The following IL1RAPL1 variants were observed in gnomAD, a reference collection of about 807,000 sequenced individuals.
The protein encoded by IL1RAPL1 is interleukin 1 receptor accessory protein like 1, also known as interleukin-1 receptor accessory protein-like 1.
In IL1RAPL1, 3 loss-of-function variants were observed where a neutral mutation model predicts 48.4. That is an observed-to-expected ratio of 0.06 (90% confidence interval 0.03 to 0.16). The LOEUF is 0.16. Ranked by LOEUF, IL1RAPL1 falls within the 10% of genes least tolerant of loss-of-function variation. The pLI, the probability that IL1RAPL1 is intolerant of heterozygous loss-of-function variation, is 1.00. For synonymous variants in IL1RAPL1, 185 were observed against 187.7 expected, an observed-to-expected ratio of 0.99 and a Z score of 0.12; for missense variants, 349 against 530.6, an observed-to-expected ratio of 0.66 and a Z score of 3.36.
At chrX:29,055,228 C>T (rs769281729) in intron 2 of IL1RAPL1, among the ~76,000 whole-genome samples, 30 of 110,375 alleles carry the variant, frequency 2.7e-4, no homozygotes, top group African/African-American at 8.9e-4. Flanking sequence ...ACTGAATGTT[C>T]CCCTCAGTGC....
At chrX:28,673,227 C>T (rs778738698) in intron 1 of IL1RAPL1, among the ~76,000 whole-genome samples, 12 of 111,737 alleles carry the variant, frequency 1.1e-4, no homozygotes, top group African/African-American at 3.9e-4. Flanking sequence ...ACAAACCTGA[C>T]AAAAACAAGC....
chrX:29,240,427 G>A (rs1931403143), intron 2 of IL1RAPL1, among the ~76,000 whole-genome samples: 2 of 105,257 alleles, frequency 1.9e-5, no homozygotes, highest in Non-Finnish European at 1.9e-5. Context: ...TAGAGACGGG[G>A]TTTCATCATG....
intron 1 of IL1RAPL1, among the ~76,000 whole-genome samples, chrX:28,787,454 T>C (rs754259704): frequency 8.9e-6 from 1 of 111,897 alleles, no homozygotes; most frequent in African/African-American, 3.2e-5. Context: ...ATCAGATGTG[T>C]CTGATGAATC....
chrX:28,689,870 G>A (rs749190030), intron 1 of IL1RAPL1, among the ~76,000 whole-genome samples: 21 of 111,430 alleles, frequency 1.9e-4, no homozygotes, highest in Non-Finnish European at 3.4e-4. Flanking sequence ...GCATTAGAGA[G>A]TCTCCCATTG....
At chrX:28,977,627 G>A (rs1015934880) in intron 2 of IL1RAPL1, among the ~76,000 whole-genome samples, 1 of 112,196 alleles carries the variant, frequency 8.9e-6, no homozygotes, top group Non-Finnish European at 1.9e-5. Context: ...GTTTCAAAAG[G>A]TGTTGAGAGG....
chrX:29,092,649 C>A (rs1928116548), intron 2 of IL1RAPL1, among the ~76,000 whole-genome samples: 1 of 111,486 alleles, frequency 9.0e-6, no homozygotes, highest in African/African-American at 3.3e-5. Context: ...ACCATTATTA[C>A]ATCTAATTGA....
intron 2 of IL1RAPL1, among the ~76,000 whole-genome samples, chrX:28,889,624 T>C (rs1451558690): frequency 3.6e-5 from 4 of 111,490 alleles, no homozygotes; most frequent in African/African-American, 9.8e-5. Context: ...TTTCAACTTA[T>C]TAAGCAGGTC....
chrX:28,629,480 C>T (rs906989427), intron 1 of IL1RAPL1, among the ~76,000 whole-genome samples: 1 of 111,860 alleles, frequency 8.9e-6, no homozygotes, highest in African/African-American at 3.2e-5. Flanking sequence ...AAGAGATGGA[C>T]ATGGAAAGTA....
At chrX:29,534,369 T>C (rs777577697) in intron 5 of IL1RAPL1, among the ~76,000 whole-genome samples, 86 of 111,944 alleles carry the variant, frequency 7.7e-4, no homozygotes, top group Non-Finnish European at 1.3e-3. Context: ...CCTAGAGTTA[T>C]CGTAATACCA....
intron 1 of IL1RAPL1, among the ~76,000 whole-genome samples, chrX:28,650,845 T>C (rs1228921994): frequency 8.9e-6 from 1 of 112,131 alleles, no homozygotes; most frequent in African/African-American, 3.2e-5. Flanking sequence ...TTGTATGGTC[T>C]CCAAGCTAAC....
chrX:28,734,972 G>A (rs916341434), intron 1 of IL1RAPL1, among the ~76,000 whole-genome samples: 5 of 111,802 alleles, frequency 4.5e-5, no homozygotes, highest in African/African-American at 1.6e-4. Flanking sequence ...AATACAACAG[G>A]CAAGCTCAAC....
intron 5 of IL1RAPL1, among the ~76,000 whole-genome samples, chrX:29,616,857 G>T (rs1924304926): frequency 8.9e-6 from 1 of 111,817 alleles, no homozygotes; most frequent in Non-Finnish European, 1.9e-5. Flanking sequence ...TACCTAGACT[G>T]TTATAAGGGC....
chrX:28,659,342 C>T, intron 1 of IL1RAPL1: 1 of 553,954 alleles, frequency 1.8e-6, no homozygotes, highest in South Asian at 2.3e-5. Flanking sequence ...AGTACCAGGC[C>T]TGTAACGATG....
At chrX:29,810,500 T>C (rs1930359521) in intron 6 of IL1RAPL1, among the ~76,000 whole-genome samples, 1 of 112,034 alleles carries the variant, frequency 8.9e-6, no homozygotes, top group African/African-American at 3.2e-5. Flanking sequence ...CATTTCCTTT[T>C]ATTTATCCTT....
chrX:29,887,808 C>A (rs928036372), intron 6 of IL1RAPL1, among the ~76,000 whole-genome samples: 10 of 111,067 alleles, frequency 9.0e-5, no homozygotes, highest in African/African-American at 3.3e-4. Flanking sequence ...GAGGTCTAGT[C>A]ACCTGTGTCT....
intron 2 of IL1RAPL1, among the ~76,000 whole-genome samples, chrX:29,202,431 C>T (rs964965281): frequency 2.7e-5 from 3 of 112,133 alleles, no homozygotes; most frequent in Non-Finnish European, 5.6e-5. Flanking sequence ...TTACTTAAGC[C>T]ATTCTGGAAA....
intron 2 of IL1RAPL1, among the ~76,000 whole-genome samples, chrX:28,883,893 TAG>T (rs1423681483): frequency 8.9e-6 from 1 of 112,291 alleles, no homozygotes; most frequent in East Asian, 2.8e-4. Context: ...TTACATATCT[TAG>T]AAGTGTTTCT....
chrX:29,180,390 T>A (rs911414771), intron 2 of IL1RAPL1, among the ~76,000 whole-genome samples: 1 of 110,362 alleles, frequency 9.1e-6, no homozygotes, highest in East Asian at 2.8e-4. Flanking sequence ...TATTATTATT[T>A]TTTGAGATGG....
intron 1 of IL1RAPL1, among the ~76,000 whole-genome samples, chrX:28,716,252 A>C (rs1312309161): frequency 8.9e-6 from 1 of 112,137 alleles, no homozygotes; most frequent in East Asian, 2.8e-4. Flanking sequence ...AAAAGCTGGA[A>C]GCATTCCCCT....
Sources: gnomAD v4.1 joint callset for allele counts (sites outside exome capture counted in the v4.1 genomes callset) on GRCh38, gnomAD v4.1.1 for gene constraint, MANE v1.5 for transcripts, NCBI Gene and HGNC (gene_info 2026-07-23, HGNC 2026-07-21) for gene names.